The following ANKRD11 variants were observed in gnomAD, a reference collection of about 807,000 sequenced individuals.
The protein encoded by ANKRD11 is ankyrin repeat domain-containing protein 11.
Under a neutral mutation model 195.7 loss-of-function variants are expected in ANKRD11, and 17 were observed. That is an observed-to-expected ratio of 0.09 (90% CI 0.06 to 0.13). The LOEUF is 0.13. ANKRD11 is among the 10% of genes least tolerant of loss of function. The pLI is 1.00. For missense variants in ANKRD11, 3,735 were observed against 3,566.1 expected (o/e 1.05, Z -1.21); for synonymous variants, 1,953 against 1,528.1 (o/e 1.28, Z -6.49).
At chr16:89,436,517 A>G (rs541909836) in intron 1 of ANKRD11, among the ~76,000 whole-genome samples, 7 of 152,284 alleles carry the variant, frequency 4.6e-5, no homozygotes, top group East Asian at 1.9e-4. Flanking sequence ...ATTATACAAG[A>G]GCCTCAAGCG....
intron 1 of ANKRD11, among the ~76,000 whole-genome samples, chr16:89,457,622 T>A (rs1241034935): frequency 6.7e-6 from 1 of 150,268 alleles, no homozygotes; most frequent in African/African-American, 2.4e-5. Context: ...TCCATTCATA[T>A]GAAATTCTAA....
chr16:89,458,505 T>C (rs970589146), intron 1 of ANKRD11, among the ~76,000 whole-genome samples: 1 of 152,188 alleles, frequency 6.6e-6, no homozygotes, highest in South Asian at 2.1e-4. Flanking sequence ...ATTACAGGCG[T>C]GAGCCACCGT....
At chr16:89,447,537 G>A (rs758618650) in intron 1 of ANKRD11, among the ~76,000 whole-genome samples, 15 of 152,110 alleles carry the variant, frequency 9.9e-5, no homozygotes, top group South Asian at 2.1e-4. Flanking sequence ...ATCCCCATCC[G>A]TGCACTCACA....
chr16:89,317,909 C>T (rs1449858480), intron 2 of ANKRD11, among the ~76,000 whole-genome samples: 2 of 152,156 alleles, frequency 1.3e-5, no homozygotes, highest in African/African-American at 4.8e-5. Flanking sequence ...CCCAAGTTCA[C>T]GCCCAGGCCA....
At chr16:89,464,334 C>T (rs113016552) in intron 1 of ANKRD11, among the ~76,000 whole-genome samples, 2,093 of 152,024 alleles carry the variant, frequency 0.014, 22 homozygotes, top group East Asian at 0.034. Context: ...TCTGGCAGAG[C>T]GTGGTGGCTC....
At position 89,282,435 on chromosome 16, in the gene ANKRD11, C is replaced by T. The variant is rs758469525; in HGVS notation, c.4107G>A (p.Glu1369=). The T allele has an allele frequency of 3.1e-6, 5 of 1,614,136 alleles. No individual in the cohort carries two copies. Among genetic ancestry groups the T allele is most frequent in the Non-Finnish European group, 4.2e-6 (5 of 1,180,028 alleles). ...CGCCCTTCTCTTTCTTCTCGGCCTT[C>T]TCTTTCTTGGCTCGCTCTCGGTCGT... ...KSHDRERAKK[E]KAEKKEKGED... The change falls in exon 9 of 13, where the codon GAG becomes GAA. Residue 1369 remains glutamate (E), a synonymous_variant. Transcript: ENST00000301030.
At chr16:89,376,759 T>G (rs1468619746) in intron 2 of ANKRD11, among the ~76,000 whole-genome samples, 1 of 152,180 alleles carries the variant, frequency 6.6e-6, no homozygotes, top group Non-Finnish European at 1.5e-5. Context: ...AGGTTTTGAA[T>G]GCAGGTGAAA....
At chr16:89,453,757 A>T (rs1441793895) in intron 1 of ANKRD11, among the ~76,000 whole-genome samples, 1 of 152,184 alleles carries the variant, frequency 6.6e-6, no homozygotes, top group African/African-American at 2.4e-5. Flanking sequence ...TGACCTGTCC[A>T]AGAAGAAGAA....
chr16:89,330,072 A>G (rs1389755193), intron 2 of ANKRD11, among the ~76,000 whole-genome samples: 3 of 152,192 alleles, frequency 2.0e-5, no homozygotes, highest in Admixed American at 2.0e-4. Context: ...CATTAAATAT[A>G]AACATTTTAA....
chr16:89,484,739 T>C (rs1597560293), intron 1 of ANKRD11, among the ~76,000 whole-genome samples: 1 of 152,318 alleles, frequency 6.6e-6, no homozygotes, highest in East Asian at 1.9e-4. Context: ...AGTTAAGTAA[T>C]GAAGGGGAAA....
At position 89,283,220 on chromosome 16, in the gene ANKRD11, C is replaced by T; in HGVS notation, c.3322G>A (p.Gly1108Ser). 6.2e-7 allele frequency: 1 copy of T among 1,614,148 alleles called. No homozygotes were observed. The highest frequency in any genetic ancestry group is 8.5e-7 in the Non-Finnish European group (1 of 1,180,040). The stretch of plus-strand genomic sequence containing the variant: ...GCGATGTACCAGCTTTTCTCTTTGC[C>T]TTTCTTGTCATCTTTTTTTTCAGAG... ...DFSEKKDDKK[G>S]KEKSWYIADI... Residue 1108 changes from glycine to serine, a missense_variant, in exon 9 of 13, where the codon GGC becomes AGC. Coordinates refer to ENST00000301030, the MANE Select transcript of ANKRD11 (RefSeq NM_013275.6). This position sits in a 1 kb window ranked among gnomAD's most constrained non-coding sequence, Gnocchi z 4.3.
At chr16:89,409,540 G>A (rs2042036794) in intron 2 of ANKRD11, among the ~76,000 whole-genome samples, 1 of 152,180 alleles carries the variant, frequency 6.6e-6, no homozygotes, top group Non-Finnish European at 1.5e-5. Flanking sequence ...AAGGCTGGGT[G>A]CTGCGACTCA....
At position 89,282,715 on chromosome 16, in the gene ANKRD11, G is replaced by T. The variant is rs762783165; in HGVS notation, c.3827C>A (p.Ala1276Glu). 1 of 1,613,922 alleles carries T rather than the reference G, an allele frequency of 6.2e-7. No homozygotes were observed. The highest frequency in any genetic ancestry group is 8.5e-7 in the Non-Finnish European group (1 of 1,180,014). ...CAACTTTTCAAGCAGGCTTTTTTCC[G>T]CGTCGGCACTTCTCGAGGACTTCCT... ...KERKSSRSAD[A>E]EKSLLEKLEE... Residue 1276 changes from alanine (A) to glutamate (E), a missense_variant, in exon 9 of 13, where the codon GCG (alanine) becomes GAG (glutamate). Ala to Glu is a moderately radical substitution (Grantham distance 107, BLOSUM62 -1). Coordinates refer to ENST00000301030, the MANE Select transcript of ANKRD11 (RefSeq NM_013275.6).
rs1158221782 is a variant in ANKRD11 at position 89,316,983 on chromosome 16, C to T, written c.37G>A (p.Glu13Lys). ...ATGTCGCTGCTGAGGGGAAGCTCTTCCTGCTGTGGTGCTTTAGGGCACCCA... is the reference window on the plus strand; with the variant it reads ...ATGTCGCTGCTGAGGGGAAGCTCTTTCTGCTGTGGTGCTTTAGGGCACCCA... ...KGGCPKAPQQEELPLSSDMVE... is the reference protein window; with the variant it reads ...KGGCPKAPQQKELPLSSDMVE... Residue 13 changes from glutamate to lysine, a missense_variant, in exon 3 of 13, where the codon GAA (glutamate) becomes AAA (lysine). Coordinates refer to ENST00000301030, the MANE Select transcript of ANKRD11 (RefSeq NM_013275.6). 9 of 1,613,830 alleles carry T rather than the reference C, an allele frequency of 5.6e-6. No individual in the cohort carries two copies. The highest frequency in any genetic ancestry group is 4.0e-5 in the African/African-American group (3 of 74,930).
At chr16:89,367,465 C>G (rs999162122) in intron 2 of ANKRD11, among the ~76,000 whole-genome samples, 1 of 152,172 alleles carries the variant, frequency 6.6e-6, no homozygotes, top group Non-Finnish European at 1.5e-5. Context: ...CTCAGGGGAG[C>G]GACGCTCTCA....
In ANKRD11 at chr16:89,293,065, G is replaced by A. The variant is rs544353532; in HGVS notation, c.227-1882C>T. 2.1e-3 allele frequency among the ~76,000 whole-genome samples: 323 copies of A among 152,262 alleles called. 1 individual carries two copies. Among genetic ancestry groups the A allele is most frequent in the Non-Finnish European group, 3.4e-3 (229 of 68,016 alleles). ...TCTCCAGGAGGGGCCCACACTCACC[G>A]AGCAGCTGGTCTGCCCACAGTCGCC... On this transcript the variant is annotated intron_variant, in intron 4 of 12. Coordinates refer to ENST00000301030, the MANE Select transcript of ANKRD11 (RefSeq NM_013275.6).
At chr16:89,272,246 A>G (rs1202332294) in intron 11 of ANKRD11, 1 of 152,084 alleles carries the variant, frequency 6.6e-6, no homozygotes, top group Non-Finnish European at 1.5e-5. Flanking sequence ...GACAATCACA[A>G]TTGCTCGCGA....
At chr16:89,378,803 C>T (rs1214170171) in intron 2 of ANKRD11, among the ~76,000 whole-genome samples, 2 of 151,936 alleles carry the variant, frequency 1.3e-5, no homozygotes, top group African/African-American at 2.4e-5. Context: ...CCAGGCTGGT[C>T]TCAAACTTCA....
chr16:89,384,884 T>C (rs867424592), intron 2 of ANKRD11, among the ~76,000 whole-genome samples: 2,129 of 104,586 alleles, frequency 0.02, 55 homozygotes, highest in African/African-American at 0.084. Flanking sequence ...GTTTTCTTTT[T>C]TTTTTTTTTT....
Sources: allele counts gnomAD v4.1 joint callset (sites outside exome capture counted in the v4.1 genomes callset), GRCh38; gene constraint gnomAD v4.1.1; non-coding constraint Gnocchi (gnomAD v3.1); transcripts MANE v1.5; gene names NCBI Gene and HGNC (gene_info 2026-07-23, HGNC 2026-07-21).